The following TMEM192 variants were observed in gnomAD, a reference collection of about 807,000 sequenced individuals.
TMEM192 encodes transmembrane protein 192.
A neutral mutation model predicts 26.7 loss-of-function variants in TMEM192; 20 were observed. That is an observed-to-expected ratio of 0.75 (90% CI 0.53 to 1.09). The LOEUF (loss-of-function observed/expected upper bound fraction) is 1.09, where lower values mean the gene tolerates loss of function less well. Ranked by LOEUF, TMEM192 falls within the 50% of genes least tolerant of loss-of-function variation. TMEM192 has a pLI of 0.00. For synonymous variants in TMEM192, 124 were observed against 121.0 expected (o/e 1.02, Z -0.16); for missense variants, 304 against 322.6 (o/e 0.94, Z 0.44).
intron 1 of TMEM192, among the ~76,000 whole-genome samples, chr4:165,105,559 C>T (rs1347022121): frequency 2.6e-5 from 4 of 152,238 alleles, no homozygotes; most frequent in East Asian, 3.8e-4. Flanking sequence ...TGAGTCACTA[C>T]ACATGCAAGT....
intron 1 of TMEM192, among the ~76,000 whole-genome samples, chr4:165,104,238 A>G (rs10028037): frequency 6.6e-6 from 1 of 152,188 alleles, no homozygotes; most frequent in African/African-American, 2.4e-5. Context: ...TGGGAAGCAC[A>G]TAACAAATCA....
At chr4:165,111,024 C>G (rs1735281871) in intron 1 of TMEM192, among the ~76,000 whole-genome samples, 1 of 152,324 alleles carries the variant, frequency 6.6e-6, no homozygotes, top group East Asian at 1.9e-4. Flanking sequence ...CAAAAGCAGG[C>G]AACTTACTCA....
In TMEM192 at chr4:165,100,852, C is replaced by A. The variant is rs762595728; in HGVS notation, c.215G>T (p.Cys72Phe). The A allele has an allele frequency of 1.9e-5, 31 of 1,612,326 alleles. No homozygotes were observed. Among genetic ancestry groups the A allele is most frequent in the Non-Finnish European group, 2.6e-5 (31 of 1,179,654 alleles). Residue 72 changes from cysteine (C) to phenylalanine (F), a missense_variant, in exon 3 of 6, where the codon TGT becomes TTT. Coordinates refer to ENST00000306480, the MANE Select transcript of TMEM192 (RefSeq NM_001100389.2). ...GTCCTCATTTGGATTAGGATAAGAA[C>A]AAAGCACACCTGTTAAAAATGCTAA... ...VVLAFLTGVL[C>F]SYPNPNEDKC...
intron 4 of TMEM192, among the ~76,000 whole-genome samples, chr4:165,086,418 C>CTTT (rs34384682): frequency 1.6e-5 from 2 of 123,310 alleles, no homozygotes; most frequent in Non-Finnish European, 3.4e-5. Context: ...GGCATTTACA[C>CTTT]TTTTTTTTTT....
At chr4:165,102,235 A>G (rs748003875) in intron 2 of TMEM192, among the ~76,000 whole-genome samples, 3 of 152,258 alleles carry the variant, frequency 2.0e-5, no homozygotes, top group Non-Finnish European at 4.4e-5. Flanking sequence ...AGGTATAAGT[A>G]AATTGATAAA....
At position 165,074,951 on chromosome 4, in the gene TMEM192, TA is replaced by T. The variant is rs1183134910; in HGVS notation, c.*4706del. On this transcript the variant is annotated 3_prime_UTR_variant, in exon 6 of 6. Coordinates refer to ENST00000306480, the MANE Select transcript of TMEM192 (RefSeq NM_001100389.2). ...GCAAAGGACTTGAATATACATGTCATAAAAGATTTATAAAAGACCATATAAT... is the reference window on the plus strand; with the variant it reads ...GCAAAGGACTTGAATATACATGTCATAAAGATTTATAAAAGACCATATAAT... The T allele has an allele frequency of 6.6e-6, 1 of 152,198 alleles. No homozygotes were observed. The highest frequency in any genetic ancestry group is 1.5e-5 in the Non-Finnish European group (1 of 68,038). The allele number at this position is 152,198 out of a possible 1,614,324, so 9.4% of individuals were successfully genotyped here. A position where few individuals can be genotyped will look rare whatever the true frequency, so the allele number is the denominator to read the frequency against.
intron 1 of TMEM192, among the ~76,000 whole-genome samples, chr4:165,107,723 C>G (rs574388524): frequency 1.2e-4 from 18 of 152,042 alleles, no homozygotes; most frequent in Non-Finnish European, 2.1e-4. Context: ...CACTTTCCAT[C>G]TCTACACCAG....
At position 165,079,495 on chromosome 4, in the gene TMEM192, A is replaced by T; in HGVS notation, c.*163T>A. 1.5e-6 allele frequency: 1 copy of T among 688,112 alleles called. No individual in the cohort carries two copies. Among genetic ancestry groups the T allele is most frequent in the Non-Finnish European group, 2.2e-6 (1 of 444,678 alleles). 42.6% of individuals were successfully genotyped at this position (688,112 alleles called of 1,614,324 possible). On this transcript the variant is annotated 3_prime_UTR_variant, in exon 6 of 6. Coordinates refer to ENST00000306480, the MANE Select transcript of TMEM192 (RefSeq NM_001100389.2). ...TTTTCAAGTGACCCACAAGCCCTAT[A>T]TTTTAAACAGCCACAGAAGTCAGAA... is the stretch of plus-strand genomic sequence containing the variant.
intron 3 of TMEM192, among the ~76,000 whole-genome samples, chr4:165,091,963 A>G (rs372046172): frequency 1.5e-4 from 23 of 152,272 alleles, no homozygotes; most frequent in African/African-American, 4.1e-4. Context: ...CAGCAGAACT[A>G]AAGAATGATT....
intron 3 of TMEM192, among the ~76,000 whole-genome samples, chr4:165,089,560 T>C (rs1734704803): frequency 6.6e-6 from 1 of 152,140 alleles, no homozygotes; most frequent in Non-Finnish European, 1.5e-5. Flanking sequence ...CCTGACCTCG[T>C]GATCGGCCCG....
chr4:165,070,700 C>T lies in TMEM192; in HGVS notation c.*8958G>A, dbSNP rs941401479. On this transcript the variant is annotated 3_prime_UTR_variant, in exon 6 of 6. Transcript: ENST00000306480. ...AAACAAGACCTTAAAAAAATAATCT[C>T]TCAGTTCAGGACATCATAAACAGAA... 6.6e-6 allele frequency: 1 copy of T among 152,122 alleles called. No individual in the cohort carries two copies. The highest frequency in any genetic ancestry group is 1.5e-5 in the Non-Finnish European group (1 of 68,030). The allele number at this position is 152,122 out of a possible 1,614,324, so 9.4% of individuals were successfully genotyped here.
rs1410139831 is a variant in TMEM192, at chr4:165,076,165, T to C, written c.*3493A>G. 1 of 152,236 alleles carries C rather than the reference T, an allele frequency of 6.6e-6. No homozygotes were observed. Among genetic ancestry groups the C allele is most frequent in the East Asian group, 1.9e-4 (1 of 5,208 alleles). The allele number at this position is 152,236 out of a possible 1,614,324, so 9.4% of individuals were successfully genotyped here. On this transcript the variant is annotated 3_prime_UTR_variant, in exon 6 of 6. Coordinates refer to ENST00000306480, the MANE Select transcript of TMEM192 (RefSeq NM_001100389.2). Reference sequence around the variant, plus strand: ...CTTTTAACTTTATAATAAGTCATGATACTGTTGTCATTTGGAATACATATA... The same window carrying C: ...CTTTTAACTTTATAATAAGTCATGACACTGTTGTCATTTGGAATACATATA...
rs1264329917 is a variant in TMEM192, at chr4:165,100,746, A to C, written c.321T>G (p.His107Gln). The C allele has an allele frequency of 6.2e-7, 1 of 1,614,098 alleles. No homozygotes were observed. The highest frequency in any genetic ancestry group is 1.7e-5 in the Admixed American group (1 of 59,998). Residue 107 changes from histidine to glutamine, a missense_variant, in exon 3 of 6, where the codon CAT becomes CAG. Coordinates refer to ENST00000306480, the MANE Select transcript of TMEM192 (RefSeq NM_001100389.2). ...ILGKVILWILHLLLECYIQYH... is the reference protein window; with the variant it reads ...ILGKVILWILQLLLECYIQYH... ...ACTGGATGTAGCATTCAAGGAGTAA[A>C]TGGAGAATCCACAAAATAACTTTCC...
chr4:165,091,585 C>T (rs1734765607), intron 3 of TMEM192, among the ~76,000 whole-genome samples: 1 of 152,102 alleles, frequency 6.6e-6, no homozygotes, highest in Admixed American at 6.6e-5. Flanking sequence ...CACTGACACC[C>T]ACAAGGGCAT....
intron 3 of TMEM192, among the ~76,000 whole-genome samples, chr4:165,092,516 C>T (rs549080324): frequency 4.3e-4 from 65 of 152,272 alleles, no homozygotes; most frequent in Non-Finnish European, 8.5e-4. Flanking sequence ...TGTTTGCACC[C>T]CCTACCACAC....
chr4:165,080,037 C>T (rs905683624), intron 5 of TMEM192, among the ~76,000 whole-genome samples: 4 of 151,996 alleles, frequency 2.6e-5, no homozygotes, highest in African/African-American at 9.7e-5. Context: ...TTAAAAAAGG[C>T]CATCATTGCT....
In TMEM192 at chr4:165,101,125, C is replaced by A. The variant is rs184164252; in HGVS notation, c.175-233G>T. The stretch of plus-strand genomic sequence containing the variant: ...CCGAGTAGCTGGGACTACAGGCACC[C>A]GCCACCACGCCTGGCTAACTTTTTG... On this transcript the variant is annotated intron_variant, in intron 2 of 5. Coordinates refer to ENST00000306480, the MANE Select transcript of TMEM192 (RefSeq NM_001100389.2). 2.1e-4 allele frequency among the ~76,000 whole-genome samples: 31 copies of A among 151,146 alleles called. No individual in the cohort carries two copies. The East Asian group carries it at 3.7e-3, about 18-fold the overall frequency.
At chr4:165,105,089 A>G (rs1259078361) in intron 1 of TMEM192, among the ~76,000 whole-genome samples, 2 of 152,112 alleles carry the variant, frequency 1.3e-5, no homozygotes, top group African/African-American at 4.8e-5. Context: ...TTTTCAAAGC[A>G]TTCTGTGCTT....
intron 1 of TMEM192, among the ~76,000 whole-genome samples, chr4:165,111,403 A>G (rs1390095813): frequency 6.6e-6 from 1 of 152,206 alleles, no homozygotes; most frequent in Non-Finnish European, 1.5e-5. Context: ...CCCAGGCTCC[A>G]GTGTTTGAGG....
Sources: allele counts gnomAD v4.1 joint callset (sites outside exome capture counted in the v4.1 genomes callset), GRCh38; gene constraint gnomAD v4.1.1; transcripts MANE v1.5; gene names NCBI Gene and HGNC (gene_info 2026-07-23, HGNC 2026-07-21).